The following CD47 variants were observed in gnomAD, a reference collection of about 807,000 sequenced individuals.
CD47 encodes the protein CD47 molecule, also known as leukocyte surface antigen CD47.
CD47 carries 11 observed loss-of-function variants against 44.6 expected under a neutral mutation model. That is an observed-to-expected ratio of 0.25 (90% CI 0.16 to 0.41). CD47 has a LOEUF of 0.41. Ranked by LOEUF, CD47 falls within the 10% of genes least tolerant of loss-of-function variation. The probability of loss-of-function intolerance (pLI) is 1.00; values close to 1 mark genes in which losing one functional copy is unlikely to be tolerated. For missense variants in CD47, 306 were observed against 386.7 expected (o/e 0.79, Z 1.75); for synonymous variants, 140 against 136.3 (o/e 1.03, Z -0.19).
At chr3:108,066,058 T>C (rs1204624511) in intron 3 of CD47, among the ~76,000 whole-genome samples, 4 of 152,280 alleles carry the variant, frequency 2.6e-5, no homozygotes, top group Admixed American at 6.5e-5. Flanking sequence ...TATGCTTTCA[T>C]GGCTGAATTA....
chr3:108,072,828 GCT>G (rs931446768), intron 2 of CD47, among the ~76,000 whole-genome samples: 4 of 152,144 alleles, frequency 2.6e-5, no homozygotes, highest in Admixed American at 2.6e-4. Context: ...CTTCCCCTGT[GCT>G]TTTGTTTTTA....
intron 1 of CD47, among the ~76,000 whole-genome samples, chr3:108,083,590 G>C (rs901716190): frequency 1.3e-5 from 2 of 151,976 alleles, no homozygotes; most frequent in African/African-American, 4.8e-5. Flanking sequence ...ACGTCCTTAT[G>C]GATGGGCAGA....
chr3:108,079,173 T>C (rs1422054091), intron 2 of CD47, among the ~76,000 whole-genome samples: 1 of 151,942 alleles, frequency 6.6e-6, no homozygotes, highest in African/African-American at 2.4e-5. Context: ...TAAGCCATGA[T>C]CGGTAATATG....
chr3:108,063,756 C>T (rs1212931110), intron 3 of CD47, among the ~76,000 whole-genome samples: 2 of 152,160 alleles, frequency 1.3e-5, no homozygotes, highest in African/African-American at 4.8e-5. Context: ...GACGGCTTGG[C>T]AAGGCAATCT....
At chr3:108,082,617 AAAG>A (rs1288794588) in intron 1 of CD47, among the ~76,000 whole-genome samples, 4 of 152,014 alleles carry the variant, frequency 2.6e-5, no homozygotes, top group African/African-American at 9.7e-5. Context: ...TTCTTAAAAA[AAAG>A]AGGTACGAAT....
chr3:108,076,031 C>CA (rs2079304644), intron 2 of CD47, among the ~76,000 whole-genome samples: 1 of 152,216 alleles, frequency 6.6e-6, no homozygotes, highest in Admixed American at 6.5e-5. Context: ...TGAATTCTGT[C>CA]ACAATTATGT....
intron 8 of CD47, 124 bp downstream of exon 8, chr3:108,051,815 T>C (rs1246685271): frequency 1.3e-6 from 1 of 775,534 alleles, no homozygotes; most frequent in Admixed American, 1.8e-5. Context: ...GGTCATGCAA[T>C]GACTTCAACA....
Position 108,071,157 on chromosome 3 carries a change from A to AT in CD47, c.425dup (p.Asn142LysfsTer22). 1 of 1,497,866 alleles carries AT rather than the reference A, an allele frequency of 6.7e-7. No homozygotes were observed. Among genetic ancestry groups the AT allele is most frequent in the Middle Eastern group, 1.8e-4 (1 of 5,440 alleles). 92.8% of individuals were successfully genotyped at this position (1,497,866 alleles called of 1,614,324 possible). ...AAATTGGGAAAATAACAATAAGAAT[A>AT]TTTTCATTTGGAGAAAACCATGAAA... On this transcript the variant is annotated frameshift_variant, in exon 3 of 11. Transcript: ENST00000361309. LOFTEE classifies it high-confidence loss of function.
rs1389879025 is a variant in CD47, at chr3:108,050,594, T to C, written c.918A>G (p.Val306=). 1 of 1,158,726 alleles carries C rather than the reference T, an allele frequency of 8.6e-7. No homozygotes were observed. The highest frequency in any genetic ancestry group is 2.6e-5 in the East Asian group (1 of 39,210). 71.8% of individuals were successfully genotyped at this position (1,158,726 alleles called of 1,614,324 possible). The change falls in exon 9 of 11, where the codon GTA becomes GTG. Residue 306 remains valine, a synonymous_variant. Transcript: ENST00000361309. ...ACCACATACCATTAAGGGGTTCCTCTACAGCTTTCTGAAAAATATTTAAAA... is the reference window on the plus strand; with the variant it reads ...ACCACATACCATTAAGGGGTTCCTCCACAGCTTTCTGAAAAATATTTAAAA... ...QKTIQPPRKA[V]EEPLNAFKES...
At chr3:108,075,642 T>C (rs996746552) in intron 2 of CD47, among the ~76,000 whole-genome samples, 1 of 152,316 alleles carries the variant, frequency 6.6e-6, no homozygotes, top group Admixed American at 6.5e-5. Flanking sequence ...GCATCTTTTA[T>C]AATTCCCTCC....
intron 3 of CD47, among the ~76,000 whole-genome samples, chr3:108,065,911 T>G (rs771446637): frequency 2.0e-5 from 3 of 151,662 alleles, no homozygotes; most frequent in Non-Finnish European, 4.4e-5. Flanking sequence ...ACAGAATGAT[T>G]CTTTGTGATA....
chr3:108,055,133 G>C (rs139259446), intron 7 of CD47, among the ~76,000 whole-genome samples: 61 of 152,230 alleles, frequency 4.0e-4, no homozygotes, highest in Non-Finnish European at 7.2e-4. Flanking sequence ...CACTTTCACA[G>C]AAAGTTGTAG....
At chr3:108,053,034 G>C (rs1216931632) in intron 7 of CD47, 1 of 152,326 alleles carries the variant, frequency 6.6e-6, no homozygotes, top group East Asian at 1.9e-4. Flanking sequence ...GAAAAGCGTT[G>C]AACAGAAACA....
At chr3:108,072,187 C>T (rs987062010) in intron 2 of CD47, among the ~76,000 whole-genome samples, 3 of 152,172 alleles carry the variant, frequency 2.0e-5, no homozygotes, top group Admixed American at 6.5e-5. Flanking sequence ...GAAAGTATTC[C>T]GGAGTTTGCC....
intron 7 of CD47, 91 bp from the exon 8 acceptor site, chr3:108,052,061 G>C (rs778940723): frequency 5.9e-5 from 38 of 641,872 alleles, no homozygotes; most frequent in Non-Finnish European, 9.6e-5. Context: ...AAATGTTCAG[G>C]GCTAAAACTA....
At chr3:108,081,992 T>G (rs1241404684) in intron 1 of CD47, among the ~76,000 whole-genome samples, 3 of 152,014 alleles carry the variant, frequency 2.0e-5, no homozygotes, top group Admixed American at 2.0e-4. Context: ...GGACTTCCGT[T>G]GCATTCTTTA....
At position 108,051,939 on chromosome 3, in the gene CD47, C is replaced by A; in HGVS notation, c.909G>T (p.Arg303Ser). Residue 303 changes from arginine (R) to serine (S), a missense_variant and splice_region_variant, in exon 8 of 11, where the codon AGG (arginine) becomes AGT (serine). By Grantham distance (110) the Arg-to-Ser change is moderately radical. Transcript: ENST00000361309. ...ATTCATTTAATAAACTTTAACTTAC[C>A]CTAGGAGGTTGTATAGTCTTCTGAT... ...ASNQKTIQPP[R>S]KAVEEPLNAF... 6.7e-7 allele frequency: 1 copy of A among 1,498,836 alleles called. No individual in the cohort carries two copies. 92.8% of individuals were successfully genotyped at this position (1,498,836 alleles called of 1,614,324 possible).
rs781319163 is a variant in CD47, at chr3:108,060,737, C to T, written c.598+8G>A. 11 of 1,591,176 alleles carry T rather than the reference C, an allele frequency of 6.9e-6. No individual in the cohort carries two copies. Among genetic ancestry groups the T allele is most frequent in the Non-Finnish European group, 9.5e-6 (11 of 1,159,384 alleles). ...CCTGCGTTCCTGCCTAGGAACTGCACATCTTACCTGGGACGAAAAGAATGG... is the reference window on the plus strand; with the variant it reads ...CCTGCGTTCCTGCCTAGGAACTGCATATCTTACCTGGGACGAAAAGAATGG... On this transcript the variant is annotated splice_region_variant and intron_variant, in intron 4 of 10. Transcript: ENST00000361309.
chr3:108,080,988 G>A (rs1051037274), intron 1 of CD47, among the ~76,000 whole-genome samples: 4 of 151,634 alleles, frequency 2.6e-5, no homozygotes, highest in African/African-American at 7.3e-5. Context: ...AATATAGGCA[G>A]CAATAGACAT....
Sources: allele counts gnomAD v4.1 joint callset (sites outside exome capture counted in the v4.1 genomes callset), GRCh38; gene constraint gnomAD v4.1.1; transcripts MANE v1.5; gene names NCBI Gene and HGNC (gene_info 2026-07-23, HGNC 2026-07-21).